Variants in PPP1R21 observed in about 807,000 individuals in gnomAD.
The protein encoded by PPP1R21 is protein phosphatase 1 regulatory subunit 21.
Under a neutral mutation model 112.8 loss-of-function variants are expected in PPP1R21, and 85 were observed. The ratio of observed to expected loss-of-function variants is 0.75; its 90% CI spans 0.63 to 0.90. The LOEUF (loss-of-function observed/expected upper bound fraction) is 0.90. PPP1R21 is among the 40% of genes least tolerant of loss of function. The probability of loss-of-function intolerance (pLI) is 0.00; values close to 1 mark genes in which losing one functional copy is unlikely to be tolerated. For synonymous variants in PPP1R21, 381 were observed against 322.3 expected (o/e 1.18, Z -1.95); for missense variants, 1,199 against 901.5 (o/e 1.33, Z -4.23).
At chr2:48,508,018 G>C (rs1275330760) in intron 19 of PPP1R21, among the ~76,000 whole-genome samples, 2 of 148,714 alleles carry the variant, frequency 1.3e-5, no homozygotes, top group African/African-American at 5.0e-5. Flanking sequence ...GCCTGCCTCA[G>C]CCTCCCAAAG....
chr2:48,445,387 C>T (rs1476676196), intron 1 of PPP1R21, among the ~76,000 whole-genome samples: 1 of 152,084 alleles, frequency 6.6e-6, no homozygotes, highest in Non-Finnish European at 1.5e-5. Flanking sequence ...ATTAAAATAG[C>T]CACTTGTAGC....
chr2:48,466,730 A>C (rs999756535), intron 9 of PPP1R21, among the ~76,000 whole-genome samples: 2 of 152,282 alleles, frequency 1.3e-5, no homozygotes, highest in Admixed American at 6.5e-5. Flanking sequence ...GAAGAGAATG[A>C]CATGAACAAA....
At chr2:48,456,981 A>G in intron 3 of PPP1R21, among the ~76,000 whole-genome samples, 1 of 149,526 alleles carries the variant, frequency 6.7e-6, no homozygotes, top group Non-Finnish European at 1.5e-5. Context: ...GAATCCAGGA[A>G]GCCGAGGTTG....
chr2:48,472,055 C>T (rs1280124364), intron 11 of PPP1R21, among the ~76,000 whole-genome samples: 1 of 151,432 alleles, frequency 6.6e-6, no homozygotes, highest in South Asian at 2.1e-4. Context: ...GCCTGGCCAA[C>T]TTGGTGAAAC....
intron 7 of PPP1R21, among the ~76,000 whole-genome samples, chr2:48,463,821 C>G (rs1482627791): frequency 2.0e-5 from 3 of 151,038 alleles, no homozygotes; most frequent in African/African-American, 7.3e-5. Flanking sequence ...AGCAGTAGAC[C>G]GAGGTGGAGG....
At chr2:48,450,976 T>G (rs769662470) in intron 1 of PPP1R21, 32 bp from the exon 2 acceptor site, 5 of 1,587,864 alleles carry the variant, frequency 3.1e-6, no homozygotes, top group Non-Finnish European at 3.5e-6. Flanking sequence ...TGCTTTATAT[T>G]AGAAATTGAT....
Position 48,498,641 on chromosome 2 carries a change from G to A in PPP1R21, c.1841G>A (p.Gly614Glu). Residue 614 changes from glycine (G) to glutamate (E), a missense_variant, in exon 17 of 22, where the codon GGG becomes GAG. Transcript: ENST00000294952. ...LKNTGSAQLV[G>E]LAQENAAVSN... ...AATACAGGTAGTGCCCAGCTGGTTG[G>A]GCTGGCCCAGGAAAATGCTGCTGTG... The A allele has an allele frequency of 6.2e-7, 1 of 1,614,218 alleles. No homozygotes were observed. The highest frequency in any genetic ancestry group is 8.5e-7 in the Non-Finnish European group (1 of 1,180,042).
chr2:48,487,210 C>G (rs971546968), intron 14 of PPP1R21, among the ~76,000 whole-genome samples: 1 of 152,028 alleles, frequency 6.6e-6, no homozygotes, highest in East Asian at 1.9e-4. Context: ...ACACTGGGAA[C>G]ATACAAAAAA....
intron 14 of PPP1R21, among the ~76,000 whole-genome samples, chr2:48,490,742 T>TGAGTATCAG (rs1669526087): frequency 6.6e-6 from 1 of 152,148 alleles, no homozygotes; most frequent in Admixed American, 6.5e-5. Context: ...ACAGAATAAA[T>TGAGTATCAG]GAGTATCAGT....
chr2:48,449,381 C>T (rs1055548036), intron 1 of PPP1R21, among the ~76,000 whole-genome samples: 11 of 152,140 alleles, frequency 7.2e-5, no homozygotes. Flanking sequence ...GTGAATTTCC[C>T]ATTCTATAGA....
chr2:48,474,869 A>C, intron 12 of PPP1R21, 50 bp downstream of exon 12: 2 of 1,536,916 alleles, frequency 1.3e-6, no homozygotes, highest in Non-Finnish European at 1.8e-6. Flanking sequence ...TAAGAGTACA[A>C]GAAGCTGGAA....
At chr2:48,500,841 G>A (rs189170848) in intron 17 of PPP1R21, among the ~76,000 whole-genome samples, 15 of 152,222 alleles carry the variant, frequency 9.9e-5, no homozygotes, top group Middle Eastern at 3.4e-3. Context: ...CCTGGGAGGC[G>A]GAGGTCGCAG....
intron 11 of PPP1R21, 61 bp downstream of exon 11, chr2:48,471,428 C>A: frequency 1.4e-6 from 2 of 1,466,578 alleles, no homozygotes; most frequent in Non-Finnish European, 1.8e-6. Context: ...ATCTGGCTGG[C>A]GTTAATAAAA....
intron 3 of PPP1R21, among the ~76,000 whole-genome samples, chr2:48,456,791 G>T (rs1239078632): frequency 6.6e-6 from 1 of 152,168 alleles, no homozygotes; most frequent in Non-Finnish European, 1.5e-5. Context: ...AGTGGCTCAC[G>T]CCTGTAATCC....
chr2:48,460,180 G>A lies in PPP1R21; in HGVS notation c.599+27G>A, dbSNP rs150825053. 41 of 1,612,036 alleles carry A rather than the reference G, an allele frequency of 2.5e-5. No homozygotes were observed. The East Asian group carries it at 8.2e-4, about 32-fold the overall frequency. ...TATGTGGAAACTTGAATTCCAAGAG[G>A]GTTCTGAAGCAAGACTCAGAAGACA... On this transcript the variant is annotated intron_variant, in intron 6 of 21. Transcript: ENST00000294952.
intron 13 of PPP1R21, among the ~76,000 whole-genome samples, chr2:48,483,263 C>G (rs998815344): frequency 1.7e-5 from 2 of 118,198 alleles, no homozygotes; most frequent in Non-Finnish European, 3.2e-5. Flanking sequence ...TGCAGTGCAA[C>G]CTTTCCCTCC....
rs540829725 is a variant in PPP1R21, at chr2:48,486,658, C to G, written c.1346C>G (p.Ala449Gly). 1.2e-6 allele frequency: 2 copies of G among 1,612,176 alleles called. No homozygotes were observed. The highest frequency in any genetic ancestry group is 1.7e-5 in the Admixed American group (1 of 59,998). ...KDISKHYSQKAAIEHELPTAT... is the reference protein window; with the variant it reads ...KDISKHYSQKGAIEHELPTAT... ...ATTTCCAAACATTATAGTCAAAAAG[C>G]TGCAATAGAGCATGAACTTCCAACA... The change falls in exon 14 of 22, where the codon GCT becomes GGT. Residue 449 changes from alanine (A) to glycine (G), a missense_variant. Coordinates refer to ENST00000294952, the MANE Select transcript of PPP1R21 (RefSeq NM_001135629.3).
chr2:48,453,557 C>G (rs1057353155), intron 2 of PPP1R21, among the ~76,000 whole-genome samples: 1 of 152,014 alleles, frequency 6.6e-6, no homozygotes, highest in East Asian at 1.9e-4. Flanking sequence ...AAAAAGTTGT[C>G]AGAACATCAT....
intron 14 of PPP1R21, among the ~76,000 whole-genome samples, chr2:48,487,336 G>C (rs1669346912): frequency 6.6e-6 from 1 of 152,032 alleles, no homozygotes; most frequent in Non-Finnish European, 1.5e-5. Flanking sequence ...CTGTGGTTTT[G>C]TATCTAAACA....
Sources: allele counts gnomAD v4.1 joint callset (sites outside exome capture counted in the v4.1 genomes callset), GRCh38; gene constraint gnomAD v4.1.1; transcripts MANE v1.5; gene names NCBI Gene and HGNC (gene_info 2026-07-23, HGNC 2026-07-21).